The following ARL5B variants were observed in gnomAD, a reference collection of about 807,000 sequenced individuals.
ARL5B encodes ADP-ribosylation factor-like protein 5B.
ARL5B carries 10 observed loss-of-function variants against 26.9 expected under a neutral mutation model. The observed-to-expected ratio is 0.37, with a 90% CI of 0.23 to 0.63. The LOEUF (loss-of-function observed/expected upper bound fraction) is 0.63, where lower values mean the gene tolerates loss of function less well. Among genes scored for constraint, ARL5B ranks in the 30% least tolerant of loss-of-function variants. ARL5B has a pLI of 0.62. For synonymous variants in ARL5B, 87 were observed against 70.4 expected (o/e 1.24, Z -1.18); for missense variants, 167 against 213.9 (o/e 0.78, Z 1.37).
intron 2 of ARL5B, among the ~76,000 whole-genome samples, chr10:18,667,511 G>C (rs2059866651): frequency 6.6e-6 from 1 of 152,054 alleles, no homozygotes; most frequent in Non-Finnish European, 1.5e-5. Flanking sequence ...TCAGAAACCT[G>C]TCATCTTTGT....
At chr10:18,663,346 G>C (rs1425308779) in intron 1 of ARL5B, among the ~76,000 whole-genome samples, 1 of 152,082 alleles carries the variant, frequency 6.6e-6, no homozygotes, top group African/African-American at 2.4e-5. Context: ...ATGAAATACA[G>C]TTTTAATTGT....
intron 3 of ARL5B, among the ~76,000 whole-genome samples, chr10:18,671,588 C>T (rs1244530102): frequency 6.6e-6 from 1 of 152,002 alleles, no homozygotes; most frequent in Non-Finnish European, 1.5e-5. Context: ...ACTTTTTATT[C>T]TGTATACAGT....
Position 18,678,188 on chromosome 10 carries a change from C to T in ARL5B, c.*2972C>T, listed in dbSNP as rs1302972949. Reference sequence around the variant, plus strand: ...ATTAATATATATAATCTATTAAAAGCTGAAGATTAAATATGTAATTTTTGC... The same window carrying T: ...ATTAATATATATAATCTATTAAAAGTTGAAGATTAAATATGTAATTTTTGC... On this transcript the variant is annotated 3_prime_UTR_variant, in exon 6 of 6. Transcript: ENST00000377275. 2.0e-5 allele frequency: 3 copies of T among 151,458 alleles called. No individual in the cohort carries two copies. Among genetic ancestry groups the T allele is most frequent in the African/African-American group, 7.3e-5 (3 of 41,314 alleles). 9.4% of individuals were successfully genotyped at this position (151,458 alleles called of 1,614,324 possible). A position where few individuals can be genotyped will look rare whatever the true frequency, so the allele number is the denominator to read the frequency against.
intron 3 of ARL5B, among the ~76,000 whole-genome samples, chr10:18,670,786 C>T (rs543470112): frequency 1.3e-5 from 2 of 152,082 alleles, no homozygotes; most frequent in African/African-American, 2.4e-5. Context: ...TAAAGTGTGT[C>T]GAAAGGGTAG....
Position 18,675,210 on chromosome 10 carries a change from G to A in ARL5B, c.534G>A (p.Val178=). 6.2e-7 allele frequency: 1 copy of A among 1,613,426 alleles called. No individual in the cohort carries two copies. Among genetic ancestry groups the A allele is most frequent in the Non-Finnish European group, 8.5e-7 (1 of 1,179,440 alleles). ...AGTGGATGACCTCCCGGATTGGTGTGAGATAACTTTTTTGCTTGAAAGAGA... is the reference window on the plus strand; with the variant it reads ...AGTGGATGACCTCCCGGATTGGTGTAAGATAACTTTTTTGCTTGAAAGAGA... ...GLEWMTSRIG[V]R The change falls in exon 6 of 6, where the codon GTG becomes GTA. Residue 178 remains valine (V), a synonymous_variant. Transcript: ENST00000377275.
rs150503033 is a variant in ARL5B at position 18,679,038 on chromosome 10, T to C, written c.*3822T>C. 1 of 152,080 alleles carries C rather than the reference T, an allele frequency of 6.6e-6. No individual in the cohort carries two copies. Among genetic ancestry groups the C allele is most frequent in the African/African-American group, 2.4e-5 (1 of 41,544 alleles). 9.4% of individuals were successfully genotyped at this position (152,080 alleles called of 1,614,324 possible). A position where few individuals can be genotyped will look rare whatever the true frequency, so the allele number is the denominator to read the frequency against. On this transcript the variant is annotated 3_prime_UTR_variant, in exon 6 of 6. Transcript: ENST00000377275. Reference sequence around the variant, plus strand: ...AATACAGGTAATATGAAATTAAATGTATTTTTATCCATTATTTGATTCCCA... The same window carrying C: ...AATACAGGTAATATGAAATTAAATGCATTTTTATCCATTATTTGATTCCCA...
intron 1 of ARL5B, among the ~76,000 whole-genome samples, chr10:18,662,996 C>T (rs1320935543): frequency 8.0e-5 from 12 of 150,276 alleles, no homozygotes; most frequent in African/African-American, 2.9e-4. Context: ...AACCACTATG[C>T]CTGGCCCAGT....
intron 2 of ARL5B, among the ~76,000 whole-genome samples, chr10:18,667,487 C>A (rs2059866606): frequency 6.6e-6 from 1 of 152,074 alleles, no homozygotes; most frequent in Admixed American, 6.6e-5. Context: ...TTTTAAACAT[C>A]ACATATAAAC....
At chr10:18,673,488 G>A (rs1188248093) in intron 4 of ARL5B, among the ~76,000 whole-genome samples, 1 of 151,888 alleles carries the variant, frequency 6.6e-6, no homozygotes, top group African/African-American at 2.4e-5. Context: ...TACTGCTTTC[G>A]TTCATTCCTT....
Position 18,666,563 on chromosome 10 carries a change from T to A in ARL5B, c.47-12T>A. 6.2e-7 allele frequency: 1 copy of A among 1,600,556 alleles called. No individual in the cohort carries two copies. Among genetic ancestry groups the A allele is most frequent in the Non-Finnish European group, 8.5e-7 (1 of 1,173,632 alleles). On this transcript the variant is annotated splice_polypyrimidine_tract_variant and intron_variant, in intron 1 of 5. Coordinates refer to ENST00000377275, the MANE Select transcript of ARL5B (RefSeq NM_178815.5). ...TAGTGTTAAATGTTTATGATTTGCT[T>A]TCTTTTTGTAGAACACAAAGTAATT...
rs1188039958 is a variant in ARL5B, at chr10:18,677,860, T to G, written c.*2644T>G. ...ATTGGTTAGCACAGTTTATAGTAAG[T>G]GAAAAGCAAGGGACCCACCTACATT... On this transcript the variant is annotated 3_prime_UTR_variant, in exon 6 of 6. Transcript: ENST00000377275. The G allele has an allele frequency of 6.6e-6, 1 of 152,224 alleles. No homozygotes were observed. The highest frequency in any genetic ancestry group is 1.9e-4 in the East Asian group (1 of 5,198). The allele number at this position is 152,224 out of a possible 1,614,324, so 9.4% of individuals were successfully genotyped here.
Position 18,659,580 on chromosome 10 carries a change from GA to G in ARL5B, c.-57del. On this transcript the variant is annotated 5_prime_UTR_variant, in exon 1 of 6. Coordinates refer to ENST00000377275, the MANE Select transcript of ARL5B (RefSeq NM_178815.5). ...CCGCGCAGCCCGCGCCGCGGTGGGG[GA>G]CCCGGCGCAGCGGCACCTGCTGCCG... 1 of 1,552,392 alleles carries G rather than the reference GA, an allele frequency of 6.4e-7. No homozygotes were observed. Among genetic ancestry groups the G allele is most frequent in the Non-Finnish European group, 8.7e-7 (1 of 1,151,082 alleles).
At chr10:18,669,170 A>G (rs1304954025) in intron 3 of ARL5B, among the ~76,000 whole-genome samples, 3 of 152,096 alleles carry the variant, frequency 2.0e-5, no homozygotes, top group African/African-American at 7.2e-5. Context: ...GGGTTTTCGA[A>G]TAAAAGAAAA....
chr10:18,662,173 C>T (rs2059839863), intron 1 of ARL5B, among the ~76,000 whole-genome samples: 1 of 152,246 alleles, frequency 6.6e-6, no homozygotes, highest in African/African-American at 2.4e-5. Flanking sequence ...AGCGCCACCT[C>T]ACACCAACTA....
chr10:18,663,118 C>T (rs1036908878), intron 1 of ARL5B, among the ~76,000 whole-genome samples: 1 of 152,152 alleles, frequency 6.6e-6, no homozygotes, highest in Non-Finnish European at 1.5e-5. Flanking sequence ...AAGCAATTCT[C>T]CTGCCCCACC....
chr10:18,674,872 G>T (rs1108851), intron 5 of ARL5B, among the ~76,000 whole-genome samples: 1 of 152,032 alleles, frequency 6.6e-6, no homozygotes, highest in Non-Finnish European at 1.5e-5. Flanking sequence ...TTCTCCAGTC[G>T]TTAAGTTTCA....
At position 18,675,147 on chromosome 10, in the gene ARL5B, A is replaced by G. The variant is rs377659241; in HGVS notation, c.492-21A>G. 221 of 1,608,718 alleles carry G rather than the reference A, an allele frequency of 1.4e-4. No homozygotes were observed. In the African/African-American group the frequency reaches 2.4e-3, roughly 17 times the overall value. On this transcript the variant is annotated intron_variant, in intron 5 of 5. Transcript: ENST00000377275. Reference sequence around the variant, plus strand: ...TTAAGTATAAGGTTTTTAATTAAAAATACTTCTATCTTTTGTTTAGGTTAT... The same window carrying G: ...TTAAGTATAAGGTTTTTAATTAAAAGTACTTCTATCTTTTGTTTAGGTTAT...
chr10:18,673,114 G>T (rs954098621), intron 4 of ARL5B, among the ~76,000 whole-genome samples: 1 of 151,948 alleles, frequency 6.6e-6, no homozygotes, highest in South Asian at 2.1e-4. Context: ...CCAGGCTGGA[G>T]TACCGTGGCG....
chr10:18,666,621 C>T lies in ARL5B; in HGVS notation c.93C>T (p.Thr31=), dbSNP rs748521538. ...IVGLDNAGKT[T]ILYQFLMNEV... Reference sequence around the variant, plus strand: ...GACTGGATAATGCAGGGAAAACCACCATTCTTTACCAATTGTAAGTATGGG... The same window carrying T: ...GACTGGATAATGCAGGGAAAACCACTATTCTTTACCAATTGTAAGTATGGG... Residue 31 remains threonine, a synonymous_variant, in exon 2 of 6, where the codon ACC becomes ACT. Coordinates refer to ENST00000377275, the MANE Select transcript of ARL5B (RefSeq NM_178815.5). The T allele has an allele frequency of 6.2e-7, 1 of 1,607,902 alleles. No individual in the cohort carries two copies. Among genetic ancestry groups the T allele is most frequent in the Non-Finnish European group, 8.5e-7 (1 of 1,176,940 alleles).
Sources: gnomAD v4.1 joint callset for allele counts (sites outside exome capture counted in the v4.1 genomes callset) on GRCh38, gnomAD v4.1.1 for gene constraint, MANE v1.5 for transcripts, NCBI Gene and HGNC (gene_info 2026-07-23, HGNC 2026-07-21) for gene names.